KIRREL1: variants seen among roughly 807,000 people sequenced by gnomAD.
The protein encoded by KIRREL1 is kin of IRRE-like protein 1.
In KIRREL1, 25 loss-of-function variants were observed where a neutral mutation model predicts 83.3. That is an observed-to-expected ratio of 0.30 (90% CI 0.22 to 0.42). KIRREL1 has a LOEUF of 0.42. Among genes scored for constraint, KIRREL1 ranks in the 10% least tolerant of loss-of-function variants. KIRREL1 has a pLI of 1.00. For missense variants in KIRREL1, 812 were observed against 1,032.3 expected, an observed-to-expected ratio of 0.79 and a Z score of 2.92; for synonymous variants, 388 against 410.4, an observed-to-expected ratio of 0.95 and a Z score of 0.66.
At chr1:158,002,030 G>C (rs1659374516) in intron 1 of KIRREL1, among the ~76,000 whole-genome samples, 1 of 152,022 alleles carries the variant, frequency 6.6e-6, no homozygotes, top group Admixed American at 6.6e-5. Flanking sequence ...TTAAAAACAT[G>C]AAAAAAACAG....
intron 7 of KIRREL1, 45 bp from the exon 8 acceptor site, chr1:158,088,282 C>T: frequency 6.2e-7 from 1 of 1,600,802 alleles, no homozygotes; most frequent in Middle Eastern, 1.7e-4. Flanking sequence ...GGAGTTAACC[C>T]CATGAGCTTG....
chr1:158,096,406 C>A lies in KIRREL1; in HGVS notation c.*1286C>A. 2.9e-6 allele frequency: 1 copy of A among 350,088 alleles called. No homozygotes were observed. 21.7% of individuals were successfully genotyped at this position (350,088 alleles called of 1,614,324 possible). On this transcript the variant is annotated 3_prime_UTR_variant, in exon 15 of 15. Coordinates refer to ENST00000359209, the MANE Select transcript of KIRREL1 (RefSeq NM_018240.7). ...TCTTGGACCAATCAGATTCCTTCTT[C>A]CACTTTCAGTGCCTTGAGTGTCAAG... is the stretch of plus-strand genomic sequence containing the variant.
At chr1:158,041,679 CTA>C (rs1463311719) in intron 1 of KIRREL1, among the ~76,000 whole-genome samples, 2 of 152,216 alleles carry the variant, frequency 1.3e-5, no homozygotes, top group African/African-American at 4.8e-5. Context: ...CTTGAGATTC[CTA>C]TCTCAGTCCT....
At chr1:158,037,017 G>A (rs1425794550) in intron 1 of KIRREL1, among the ~76,000 whole-genome samples, 1 of 152,194 alleles carries the variant, frequency 6.6e-6, no homozygotes, top group Non-Finnish European at 1.5e-5. Flanking sequence ...GGGCCCTTCA[G>A]GGCCTCCCGT....
intron 2 of KIRREL1, among the ~76,000 whole-genome samples, chr1:158,076,783 C>G (rs1333379803): frequency 6.6e-6 from 1 of 152,246 alleles, no homozygotes; most frequent in Non-Finnish European, 1.5e-5. Context: ...ATTCAACAAG[C>G]CTTTATTAAG....
intron 1 of KIRREL1, among the ~76,000 whole-genome samples, chr1:158,049,304 G>T (rs1394301650): frequency 2.6e-5 from 4 of 152,216 alleles, no homozygotes; most frequent in African/African-American, 9.6e-5. Flanking sequence ...GGGAATTCAG[G>T]CAGGGCCCTT....
chr1:158,003,813 A>G (rs1447602768), intron 1 of KIRREL1, among the ~76,000 whole-genome samples: 1 of 152,186 alleles, frequency 6.6e-6, no homozygotes, highest in African/African-American at 2.4e-5. Flanking sequence ...AAAAAAAAAA[A>G]AATCTAATGC....
intron 11 of KIRREL1, among the ~76,000 whole-genome samples, chr1:158,091,997 G>A (rs945101015): frequency 1.9e-4 from 29 of 152,354 alleles, no homozygotes; most frequent in Middle Eastern, 3.4e-3. Context: ...TTCGGATGGA[G>A]AAGAATCATA....
chr1:158,085,674 G>C (rs114411954), intron 4 of KIRREL1, among the ~76,000 whole-genome samples: 249 of 152,304 alleles, frequency 1.6e-3, no homozygotes, highest in African/African-American at 5.7e-3. Flanking sequence ...GGCCTGTCCA[G>C]CAAAGCTGCA....
At chr1:158,014,826 C>T (rs751626807) in intron 1 of KIRREL1, among the ~76,000 whole-genome samples, 70 of 152,178 alleles carry the variant, frequency 4.6e-4, no homozygotes, top group Non-Finnish European at 6.5e-4. Context: ...GTGTTAACTG[C>T]GGCCCTCTAG....
intron 1 of KIRREL1, among the ~76,000 whole-genome samples, chr1:158,066,021 T>G (rs1364637693): frequency 6.6e-6 from 1 of 152,302 alleles, no homozygotes; most frequent in Non-Finnish European, 1.5e-5. Context: ...CCTTTTTTTT[T>G]TTGTTTCTTC....
chr1:158,015,789 A>G (rs1454709765), intron 1 of KIRREL1, among the ~76,000 whole-genome samples: 1 of 152,158 alleles, frequency 6.6e-6, no homozygotes, highest in Non-Finnish European at 1.5e-5. Context: ...CTTATGGCAT[A>G]TATTTAGTAT....
At chr1:158,080,264 T>A (rs1235739154) in intron 3 of KIRREL1, among the ~76,000 whole-genome samples, 1 of 152,190 alleles carries the variant, frequency 6.6e-6, no homozygotes, top group African/African-American at 2.4e-5. Flanking sequence ...TTGATACTCT[T>A]CTTTCTGCTA....
chr1:158,085,125 T>C (rs1283913744), intron 4 of KIRREL1, among the ~76,000 whole-genome samples: 1 of 152,238 alleles, frequency 6.6e-6, no homozygotes, highest in East Asian at 1.9e-4. Flanking sequence ...GAGATCCTTG[T>C]ATACATTTTA....
chr1:158,052,461 A>C (rs1414685616), intron 1 of KIRREL1, among the ~76,000 whole-genome samples: 1 of 152,142 alleles, frequency 6.6e-6, no homozygotes, highest in Non-Finnish European at 1.5e-5. Context: ...ATAAAGGAAT[A>C]CTGGAGGCTG....
intron 1 of KIRREL1, among the ~76,000 whole-genome samples, chr1:158,011,320 T>G (rs1227215592): frequency 6.6e-6 from 1 of 152,220 alleles, no homozygotes. Context: ...AACCAAAGCC[T>G]CTTTCATAAT....
At chr1:158,032,438 A>G (rs1231862505) in intron 1 of KIRREL1, among the ~76,000 whole-genome samples, 1 of 152,248 alleles carries the variant, frequency 6.6e-6, no homozygotes, top group African/African-American at 2.4e-5. Context: ...TAGGTGCTTG[A>G]ATGCCTGTAT....
At chr1:158,016,446 T>C (rs930506470) in intron 1 of KIRREL1, among the ~76,000 whole-genome samples, 2 of 152,242 alleles carry the variant, frequency 1.3e-5, no homozygotes, top group East Asian at 3.9e-4. Flanking sequence ...AGGCCAGCAG[T>C]TAAAGGCAGT....
At chr1:158,064,933 C>CTT (rs869035914) in intron 1 of KIRREL1, among the ~76,000 whole-genome samples, 15,751 of 82,476 alleles carry the variant, frequency 0.19, 1,232 homozygotes, top group Middle Eastern at 0.22. Flanking sequence ...ACCTGCTGGT[C>CTT]TTTTTTTTTT....
Sources: gnomAD v4.1 joint callset for allele counts (sites outside exome capture counted in the v4.1 genomes callset) on GRCh38, gnomAD v4.1.1 for gene constraint, MANE v1.5 for transcripts, NCBI Gene and HGNC (gene_info 2026-07-23, HGNC 2026-07-21) for gene names.